Variants in ATP10A observed in about 807,000 individuals in gnomAD.
ATP10A encodes the protein phospholipid-transporting ATPase VA.
ATP10A carries 111 observed loss-of-function variants against 147.8 expected under a neutral mutation model. The ratio of observed to expected loss-of-function variants is 0.75; its 90% CI spans 0.64 to 0.88. The LOEUF is 0.88. Among genes scored for constraint, ATP10A ranks in the 40% least tolerant of loss-of-function variants. The pLI, the probability that ATP10A is intolerant of heterozygous loss-of-function variation, is 0.00. For synonymous variants in ATP10A, 875 were observed against 841.6 expected, an observed-to-expected ratio of 1.04 and a Z score of -0.69; for missense variants, 1,927 against 1,959.0, an observed-to-expected ratio of 0.98 and a Z score of 0.31.
intron 3 of ATP10A, among the ~76,000 whole-genome samples, chr15:25,729,883 G>A (rs1902850247): frequency 6.6e-6 from 1 of 152,166 alleles, no homozygotes; most frequent in Non-Finnish European, 1.5e-5. Flanking sequence ...ACACCCCAGT[G>A]CCTACCTCAG....
rs1397498655 is a variant in ATP10A, at chr15:25,802,581, G to A, written c.450-21358C>T. On this transcript the variant is annotated intron_variant, in intron 1 of 20. Transcript: ENST00000555815. ...TCAGCTAAGGTGTCGGCAGGGCCACGCTCCTTCCTGGAGTCTCAGCGGAGA... is the reference window on the plus strand; with the variant it reads ...TCAGCTAAGGTGTCGGCAGGGCCACACTCCTTCCTGGAGTCTCAGCGGAGA... 5.9e-5 allele frequency among the ~76,000 whole-genome samples: 9 copies of A among 152,300 alleles called. No individual in the cohort carries two copies. In the South Asian group the frequency reaches 6.2e-4, roughly 11 times the overall value.
chr15:25,784,450 AG>A (rs1890065113), intron 1 of ATP10A, among the ~76,000 whole-genome samples: 1 of 152,238 alleles, frequency 6.6e-6, no homozygotes, highest in East Asian at 1.9e-4. Context: ...TGCCCCATCC[AG>A]GAGGCTTTTA....
chr15:25,761,531 C>T (rs1342470243), intron 2 of ATP10A, among the ~76,000 whole-genome samples: 1 of 152,244 alleles, frequency 6.6e-6, no homozygotes, highest in East Asian at 1.9e-4. Context: ...AGGAGTGGGG[C>T]TGTACCCAGC....
At position 25,862,636 on chromosome 15, in the gene ATP10A, C is replaced by T. The variant is rs1893816084; in HGVS notation, c.449+12G>A. On this transcript the variant is annotated intron_variant, in intron 1 of 20. Transcript: ENST00000555815. ...GCCACCGCGCGCTCGCTCGCCCGCC[C>T]GCCCAACTCACCTGCTGAAGACCAG... is the stretch of plus-strand genomic sequence containing the variant. 5 of 1,549,210 alleles carry T rather than the reference C, an allele frequency of 3.2e-6. No homozygotes were observed. The highest frequency in any genetic ancestry group is 2.6e-6 in the Non-Finnish European group (3 of 1,147,580).
At chr15:25,726,153 G>A (rs1902533834) in intron 4 of ATP10A, 71 bp from the exon 5 acceptor site, 1 of 1,543,874 alleles carries the variant, frequency 6.5e-7, no homozygotes, top group African/African-American at 1.4e-5. Context: ...TGGATGGCGT[G>A]GAGGGAATTC....
At chr15:25,852,108 A>G (rs1893323009) in intron 1 of ATP10A, among the ~76,000 whole-genome samples, 1 of 151,578 alleles carries the variant, frequency 6.6e-6, no homozygotes, top group Non-Finnish European at 1.5e-5. Context: ...AGAAGCTGCT[A>G]TCTTCTCTCT....
intron 16 of ATP10A, among the ~76,000 whole-genome samples, chr15:25,684,997 C>T (rs1332268069): frequency 1.3e-5 from 2 of 152,168 alleles, no homozygotes; most frequent in Non-Finnish European, 1.5e-5. Context: ...TCTTCCCTTC[C>T]TCACTCCTAC....
intron 1 of ATP10A, among the ~76,000 whole-genome samples, chr15:25,815,995 G>A (rs4906778): frequency 0.81 from 121,832 of 150,230 alleles, 49,456 homozygotes; most frequent in East Asian, 0.83. Flanking sequence ...AAATTACTTA[G>A]ATATTTTTAA....
intron 1 of ATP10A, among the ~76,000 whole-genome samples, chr15:25,855,677 C>A (rs1893487170): frequency 6.6e-6 from 1 of 152,060 alleles, no homozygotes; most frequent in African/African-American, 2.4e-5. Context: ...TTCTATTCAA[C>A]ATTATACTGG....
chr15:25,792,933 C>A (rs944185385), intron 1 of ATP10A, among the ~76,000 whole-genome samples: 1 of 143,784 alleles, frequency 7.0e-6, no homozygotes, highest in African/African-American at 2.6e-5. Context: ...TGCAGTGGTG[C>A]GATCCTGACT....
rs573609756 is a variant in ATP10A at position 25,718,352 on chromosome 15, C to T, written c.1411G>A (p.Val471Met). 5.4e-5 allele frequency: 87 copies of T among 1,607,790 alleles called. No homozygotes were observed. The Middle Eastern group carries it at 1.1e-3, about 20-fold the overall frequency. ...GACACCGAGCCCCCTCTGGGCACCA[C>T]CTCCTCCTCCTCCGAGTCTGCCTCT... ...YQEADSEEEE[V>M]VPRGGSVSQR... The change falls in exon 8 of 21, where the codon GTG (valine) becomes ATG (methionine). Residue 471 changes from valine to methionine, a missense_variant. Coordinates refer to ENST00000555815, the MANE Select transcript of ATP10A (RefSeq NM_024490.4).
chr15:25,683,679 C>T (rs1045459147), intron 16 of ATP10A, 193 bp from the exon 17 acceptor site: 9 of 600,250 alleles, frequency 1.5e-5, no homozygotes, highest in South Asian at 8.3e-5. Context: ...TCTTTCCCTT[C>T]GCCCTCCTCA....
chr15:25,781,713 A>C (rs1889935043), intron 1 of ATP10A, among the ~76,000 whole-genome samples: 1 of 152,218 alleles, frequency 6.6e-6, no homozygotes, highest in South Asian at 2.1e-4. Flanking sequence ...CTCAAAGTAA[A>C]AGAAGAAAAG....
intron 2 of ATP10A, among the ~76,000 whole-genome samples, chr15:25,741,480 T>C (rs1887581249): frequency 6.6e-6 from 1 of 152,214 alleles, no homozygotes; most frequent in Non-Finnish European, 1.5e-5. Flanking sequence ...TCCGGCTCCT[T>C]AGCTCCTTAC....
rs114382905 is a variant in ATP10A, at chr15:25,784,248, G to A, written c.450-3025C>T. ...GGAAGGCAGCCTATGCCCAAGCATC[G>A]GCGGGGCAGGCTTTGTTGCGATGGG... On this transcript the variant is annotated intron_variant, in intron 1 of 20. Transcript: ENST00000555815. Among the ~76,000 whole-genome samples the A allele has an allele frequency of 2.5e-3, 376 of 152,238 alleles. 2 individuals carry two copies. Among genetic ancestry groups the A allele is most frequent in the African/African-American group, 7.6e-3 (315 of 41,566 alleles).
At chr15:25,690,039 C>T (rs1411938674) in intron 15 of ATP10A, among the ~76,000 whole-genome samples, 1 of 152,232 alleles carries the variant, frequency 6.6e-6, no homozygotes, top group Non-Finnish European at 1.5e-5. Flanking sequence ...TTGAACAACA[C>T]TGGAGTTAGG....
chr15:25,710,568 C>A (rs927378999), intron 10 of ATP10A: 4 of 152,142 alleles, frequency 2.6e-5, no homozygotes, highest in Non-Finnish European at 5.9e-5. Context: ...GATTTTACCA[C>A]GTGCTTTAAA....
At chr15:25,702,878 C>T (rs1900753269) in intron 12 of ATP10A, among the ~76,000 whole-genome samples, 1 of 152,084 alleles carries the variant, frequency 6.6e-6, no homozygotes, top group Middle Eastern at 3.4e-3. Flanking sequence ...CTTTACTGCG[C>T]TACACCATGC....
Position 25,752,455 on chromosome 15 carries a change from G to A in ATP10A, c.655-16314C>T, listed in dbSNP as rs1888204070. Among the ~76,000 whole-genome samples the A allele has an allele frequency of 9.2e-5, 14 of 152,306 alleles. 3 individuals carry two copies. The South Asian group carries it at 2.9e-3, about 32-fold the overall frequency. On this transcript the variant is annotated intron_variant, in intron 2 of 20. Transcript: ENST00000555815. ...GTGGAATCTAAAGCAACCAAACTCA[G>A]AAGCAGAGAGTGGAATTGTGGTTAC...
Sources: allele counts gnomAD v4.1 joint callset (sites outside exome capture counted in the v4.1 genomes callset), GRCh38; gene constraint gnomAD v4.1.1; transcripts MANE v1.5; gene names NCBI Gene and HGNC (gene_info 2026-07-23, HGNC 2026-07-21).